The following FAAH2 variants were observed in gnomAD, a reference collection of about 807,000 sequenced individuals.
FAAH2 encodes the protein fatty acid amide hydrolase 2, also known as fatty-acid amide hydrolase 2.
FAAH2 carries 60 observed loss-of-function variants against 36.9 expected under a neutral mutation model. The observed-to-expected ratio is 1.63, with a 90% confidence interval of 1.32 to 2.02. The LOEUF (loss-of-function observed/expected upper bound fraction) is 2.02. Among genes scored for constraint, FAAH2 ranks in the 30% most tolerant of loss-of-function variants. FAAH2 has a pLI of 0.00. For missense variants in FAAH2, 689 were observed against 397.5 expected (o/e 1.73, Z -6.23); for synonymous variants, 214 against 143.8 (o/e 1.49, Z -3.49).
chrX:57,220,124 C>T, the FAAH2 span, among the ~76,000 whole-genome samples: 2 of 108,572 alleles, frequency 1.8e-5, no homozygotes, highest in African/African-American at 3.4e-5. Context: ...TCACCTTTCT[C>T]CTCCCAACCG....
At chrX:57,185,180 T>A in the FAAH2 span, among the ~76,000 whole-genome samples, 1 of 110,935 alleles carries the variant, frequency 9.0e-6, no homozygotes, top group Non-Finnish European at 1.9e-5. Context: ...TCTTATTCAT[T>A]GTTTCTGGCT....
chrX:57,353,164 A>C (rs1208022088), intron 5 of FAAH2, among the ~76,000 whole-genome samples: 2 of 110,179 alleles, frequency 1.8e-5, no homozygotes, highest in African/African-American at 6.6e-5. Context: ...AAAAATAAAA[A>C]AGCTAGAATA....
the FAAH2 span, among the ~76,000 whole-genome samples, chrX:57,150,571 T>G: frequency 8.9e-6 from 1 of 112,044 alleles, no homozygotes; most frequent in Non-Finnish European, 1.9e-5. Context: ...TATCAGAGAC[T>G]AGGATTGCAA....
chrX:57,315,939 C>A (rs2052825288), intron 3 of FAAH2, among the ~76,000 whole-genome samples: 1 of 111,161 alleles, frequency 9.0e-6, no homozygotes, highest in Non-Finnish European at 1.9e-5. Flanking sequence ...GAAAAGGCAT[C>A]CAAATAGGAA....
rs749964861 is a variant in FAAH2 at position 57,488,464 on chromosome X, C to A, written c.1424-293C>A. On this transcript the variant is annotated intron_variant, in intron 10 of 10. Transcript: ENST00000374900. ...GGCTATTATTCACACTTTCTGCATT[C>A]AGATTTCAATTACAGCTTTTGCTAG... is the stretch of plus-strand genomic sequence containing the variant. Among the ~76,000 whole-genome samples, 3 of 111,225 alleles carry A rather than the reference C, an allele frequency of 2.7e-5. No individual in the cohort carries two copies. The South Asian group carries it at 1.1e-3, about 42-fold the overall frequency.
At chrX:57,467,760 C>T (rs746961947) in intron 10 of FAAH2, among the ~76,000 whole-genome samples, 1 of 111,593 alleles carries the variant, frequency 9.0e-6, no homozygotes, top group African/African-American at 3.3e-5. Context: ...TAGTGGTTCT[C>T]CCAGCACAGT....
chrX:57,342,839 A>G (rs924318483), intron 5 of FAAH2, among the ~76,000 whole-genome samples: 9 of 111,246 alleles, frequency 8.1e-5, no homozygotes, highest in Non-Finnish European at 1.3e-4. Context: ...TGTGTACTCA[A>G]GGTTTAGTTC....
In FAAH2 at chrX:57,295,211, T is replaced by C. The variant is rs776930353; in HGVS notation, c.275+2631T>C. ...GCTGCCAGCTGACTGGTGCCAGTAT[T>C]TCTGAGGGTGTGTGATGAGACTAGT... is the stretch of plus-strand genomic sequence containing the variant. On this transcript the variant is annotated intron_variant, in intron 2 of 10. Transcript: ENST00000374900. 3.6e-5 allele frequency among the ~76,000 whole-genome samples: 4 copies of C among 111,955 alleles called. No individual in the cohort carries two copies. The South Asian group carries it at 1.5e-3, about 42-fold the overall frequency.
chrX:57,265,005 C>T, the FAAH2 span, among the ~76,000 whole-genome samples: 2 of 111,833 alleles, frequency 1.8e-5, no homozygotes, highest in African/African-American at 3.2e-5. Flanking sequence ...ATGGCCCACT[C>T]GGGAGTGACA....
chrX:57,269,374 C>T, the FAAH2 span, among the ~76,000 whole-genome samples: 1 of 111,042 alleles, frequency 9.0e-6, no homozygotes, highest in East Asian at 2.8e-4. Context: ...ACAATATGGG[C>T]CTGATAGATA....
At chrX:57,330,190 C>T (rs1329597388) in intron 3 of FAAH2, among the ~76,000 whole-genome samples, 1 of 111,977 alleles carries the variant, frequency 8.9e-6, no homozygotes, top group Non-Finnish European at 1.9e-5. Flanking sequence ...TCATATTTCT[C>T]TTCTTTCAAA....
At chrX:57,351,172 A>G (rs745869939) in intron 5 of FAAH2, among the ~76,000 whole-genome samples, 2 of 111,785 alleles carry the variant, frequency 1.8e-5, no homozygotes, top group South Asian at 7.3e-4. Flanking sequence ...ACTACTAGAA[A>G]TTAATACCAA....
chrX:57,148,903 A>G, the FAAH2 span, among the ~76,000 whole-genome samples: 3 of 111,570 alleles, frequency 2.7e-5, no homozygotes, highest in Middle Eastern at 9.3e-3. Context: ...GGTTTGTCAT[A>G]GATAGCTCTT....
At chrX:57,476,163 C>G (rs139534270) in intron 10 of FAAH2, among the ~76,000 whole-genome samples, 267 of 111,429 alleles carry the variant, frequency 2.4e-3, no homozygotes, top group African/African-American at 8.3e-3. Flanking sequence ...TTGACTTCCT[C>G]TTTTTCTACT....
chrX:57,362,371 A>G (rs1360626542), intron 5 of FAAH2, among the ~76,000 whole-genome samples: 1 of 111,027 alleles, frequency 9.0e-6, no homozygotes, highest in Non-Finnish European at 1.9e-5. Context: ...AGGCTAGGGG[A>G]CAGATAGCAT....
At chrX:57,418,230 G>T (rs2055897900) in intron 7 of FAAH2, among the ~76,000 whole-genome samples, 1 of 111,488 alleles carries the variant, frequency 9.0e-6, no homozygotes, top group South Asian at 3.8e-4. Flanking sequence ...TTTTCCAGGG[G>T]AGTGAACAGT....
intron 5 of FAAH2, among the ~76,000 whole-genome samples, chrX:57,363,899 C>A (rs2054345226): frequency 9.1e-6 from 1 of 110,219 alleles, no homozygotes; most frequent in African/African-American, 3.3e-5. Context: ...AATCTCTGCA[C>A]CCCAGGAATA....
At chrX:57,395,851 C>A (rs1176548532) in intron 7 of FAAH2, among the ~76,000 whole-genome samples, 1 of 111,600 alleles carries the variant, frequency 9.0e-6, no homozygotes, top group African/African-American at 3.3e-5. Flanking sequence ...TCAGGTGATA[C>A]TGCTTTCATA....
chrX:57,202,524 G>A, the FAAH2 span, among the ~76,000 whole-genome samples: 4 of 111,883 alleles, frequency 3.6e-5, no homozygotes, highest in Admixed American at 9.5e-5. Flanking sequence ...CCTGGAACTT[G>A]GGGTGTAGTG....
Sources: allele counts gnomAD v4.1 joint callset (sites outside exome capture counted in the v4.1 genomes callset), GRCh38; gene constraint gnomAD v4.1.1; transcripts MANE v1.5; gene names NCBI Gene and HGNC (gene_info 2026-07-23, HGNC 2026-07-21).